The following CADPS variants were observed in gnomAD, a reference collection of about 807,000 sequenced individuals.
The protein encoded by CADPS is calcium-dependent secretion activator 1.
CADPS carries 57 observed loss-of-function variants against 167.3 expected under a neutral mutation model. The observed-to-expected ratio is 0.34, with a 90% CI of 0.28 to 0.42. CADPS has a LOEUF of 0.42. CADPS is among the 20% of genes least tolerant of loss of function. CADPS has a pLI of 1.00. For missense variants in CADPS, 1,414 were observed against 1,738.1 expected (o/e 0.81, Z 3.32); for synonymous variants, 676 against 635.3 (o/e 1.06, Z -0.96).
chr3:62,664,163 T>C (rs1282629185), intron 3 of CADPS, among the ~76,000 whole-genome samples: 1 of 152,138 alleles, frequency 6.6e-6, no homozygotes, highest in Non-Finnish European at 1.5e-5. Flanking sequence ...CATGCCATTG[T>C]GCCCAGCTAA....
At chr3:62,564,960 C>T (rs947284389) in intron 9 of CADPS, among the ~76,000 whole-genome samples, 1 of 152,088 alleles carries the variant, frequency 6.6e-6, no homozygotes, top group East Asian at 1.9e-4. Context: ...AAGATGAAAG[C>T]GTTAAGACTT....
At chr3:62,534,027 A>G (rs896602982) in intron 12 of CADPS, among the ~76,000 whole-genome samples, 1 of 152,200 alleles carries the variant, frequency 6.6e-6, no homozygotes, top group South Asian at 2.1e-4. Context: ...TGCTAGCCCC[A>G]TTACGCACTT....
chr3:62,460,129 C>G (rs142655501), intron 26 of CADPS, among the ~76,000 whole-genome samples: 13 of 152,280 alleles, frequency 8.5e-5, no homozygotes, highest in African/African-American at 2.6e-4. Context: ...GCGACTTTGA[C>G]AAATCACTCA....
intron 15 of CADPS, 138 bp downstream of exon 15, chr3:62,516,442 G>A (rs891334855): frequency 3.4e-5 from 26 of 768,802 alleles, no homozygotes; most frequent in African/African-American, 2.5e-4. Flanking sequence ...CAGTTTCCTC[G>A]CTTCTATTCT....
chr3:62,659,756 T>C (rs1022226247), intron 4 of CADPS, among the ~76,000 whole-genome samples: 3 of 152,180 alleles, frequency 2.0e-5, no homozygotes, highest in Admixed American at 6.5e-5. Flanking sequence ...AACTGACTGC[T>C]TCCACCTGGG....
chr3:62,672,506 C>A (rs567278296), intron 3 of CADPS, among the ~76,000 whole-genome samples: 5 of 152,288 alleles, frequency 3.3e-5, no homozygotes, highest in South Asian at 4.1e-4. Flanking sequence ...TTTCCAGCCT[C>A]ATCTCCCACC....
At chr3:62,463,970 A>G (rs1440870233) in intron 26 of CADPS, among the ~76,000 whole-genome samples, 2 of 152,164 alleles carry the variant, frequency 1.3e-5, no homozygotes, top group African/African-American at 4.8e-5. Flanking sequence ...AGATTAATGT[A>G]TGGGTTGGGG....
chr3:62,852,820 C>T (rs542426709), intron 1 of CADPS, among the ~76,000 whole-genome samples: 8 of 152,300 alleles, frequency 5.3e-5, no homozygotes, highest in African/African-American at 1.7e-4. Context: ...ATTTTTCCCT[C>T]AACACTTCAT....
At chr3:62,835,057 TTAATA>T (rs1216194762) in intron 1 of CADPS, among the ~76,000 whole-genome samples, 2 of 152,168 alleles carry the variant, frequency 1.3e-5, no homozygotes, top group South Asian at 2.1e-4. Context: ...AAAACAGACT[TTAATA>T]TAATTTAAAT....
intron 22 of CADPS, 113 bp downstream of exon 22, chr3:62,481,610 G>A (rs1576612512): frequency 1.0e-6 from 1 of 972,396 alleles, no homozygotes; most frequent in Admixed American, 3.0e-5. Context: ...AGCAAAATAT[G>A]TCTAATTATC....
intron 1 of CADPS, among the ~76,000 whole-genome samples, chr3:62,830,640 G>T (rs1384657017): frequency 1.3e-5 from 2 of 152,088 alleles, no homozygotes; most frequent in Non-Finnish European, 2.9e-5. Context: ...GAAAATTGGA[G>T]CTTTATAGCT....
At chr3:62,587,937 G>A (rs1411862285) in intron 7 of CADPS, among the ~76,000 whole-genome samples, 3 of 152,194 alleles carry the variant, frequency 2.0e-5, no homozygotes, top group African/African-American at 4.8e-5. Flanking sequence ...GGGTGCACAT[G>A]AATCCCAAGC....
intron 24 of CADPS, among the ~76,000 whole-genome samples, chr3:62,466,882 C>T (rs1459503389): frequency 6.6e-6 from 1 of 152,042 alleles, no homozygotes; most frequent in Non-Finnish European, 1.5e-5. Context: ...GTTCTGAAAC[C>T]CTCAGGTTCT....
At chr3:62,647,093 A>T (rs1470906357) in intron 5 of CADPS, among the ~76,000 whole-genome samples, 1 of 152,184 alleles carries the variant, frequency 6.6e-6, no homozygotes, top group East Asian at 1.9e-4. Context: ...GAGAAGAAAG[A>T]GATCAATTTA....
chr3:62,649,855 C>A (rs2069628207), intron 5 of CADPS, among the ~76,000 whole-genome samples: 1 of 151,978 alleles, frequency 6.6e-6, no homozygotes, highest in Non-Finnish European at 1.5e-5. Context: ...CCAAGCCTGG[C>A]TTTTTTCACC....
At position 62,429,615 on chromosome 3, in the gene CADPS, G is replaced by A. The variant is rs564018790; in HGVS notation, c.3777+8489C>T. The stretch of plus-strand genomic sequence containing the variant: ...TGTGCTTTGGCTACTCTGTGTGTTT[G>A]TGTGTGTGTGTGTGTGTGCACACGC... On this transcript the variant is annotated intron_variant, in intron 28 of 29. Transcript: ENST00000383710. Among the ~76,000 whole-genome samples, 176 of 148,764 alleles carry A rather than the reference G, an allele frequency of 1.2e-3. 1 individual carries two copies. Among genetic ancestry groups the A allele is most frequent in the Non-Finnish European group, 2.0e-3 (135 of 67,218 alleles).
chr3:62,689,873 G>C (rs754790701), intron 3 of CADPS, among the ~76,000 whole-genome samples: 3 of 152,018 alleles, frequency 2.0e-5, no homozygotes, highest in Non-Finnish European at 4.4e-5. Context: ...AGATGAGGGG[G>C]GGCGGCGTTC....
intron 28 of CADPS, among the ~76,000 whole-genome samples, chr3:62,405,448 G>GA (rs35356402): frequency 0.42 from 53,853 of 127,742 alleles, 10,452 homozygotes; most frequent in Middle Eastern, 0.5. Context: ...CACCTTTCAG[G>GA]AAAAAAAAAA....
chr3:62,598,029 T>A (rs1477976148), intron 6 of CADPS, among the ~76,000 whole-genome samples: 2 of 152,116 alleles, frequency 1.3e-5, no homozygotes, highest in Non-Finnish European at 2.9e-5. Context: ...AAAGTGCCAT[T>A]CAAGGTACTA....
Sources: gnomAD v4.1 joint callset for allele counts (sites outside exome capture counted in the v4.1 genomes callset) on GRCh38, gnomAD v4.1.1 for gene constraint, MANE v1.5 for transcripts, NCBI Gene and HGNC (gene_info 2026-07-23, HGNC 2026-07-21) for gene names.